The following CLDN1 variants were observed in gnomAD, a reference collection of about 807,000 sequenced individuals.
The protein encoded by CLDN1 is claudin 1, also known as claudin-1.
In CLDN1, 12 loss-of-function variants were observed where a neutral mutation model predicts 22.6. The observed-to-expected ratio is 0.53, with a 90% CI of 0.34 to 0.86. The LOEUF is 0.86. Ranked by LOEUF, CLDN1 falls within the 40% of genes least tolerant of loss-of-function variation. The probability of loss-of-function intolerance (pLI) is 0.02; values close to 1 mark genes in which losing one functional copy is unlikely to be tolerated. For missense variants in CLDN1, 250 were observed against 269.5 expected (o/e 0.93, Z 0.51); for synonymous variants, 99 against 103.8 (o/e 0.95, Z 0.28).
intron 1 of CLDN1, among the ~76,000 whole-genome samples, chr3:190,319,754 C>T (rs897424853): frequency 2.0e-5 from 3 of 152,192 alleles, no homozygotes; most frequent in African/African-American, 4.8e-5. Context: ...ACACATAACC[C>T]TTTTCATCTC....
In CLDN1 at chr3:190,308,070, C is replaced by T; in HGVS notation, c.*207G>A. The T allele has an allele frequency of 8.8e-6, 5 of 568,792 alleles. No homozygotes were observed. Among genetic ancestry groups the T allele is most frequent in the East Asian group, 6.9e-5 (2 of 28,920 alleles). 35.2% of individuals were successfully genotyped at this position (568,792 alleles called of 1,614,324 possible). A position where few individuals can be genotyped will look rare whatever the true frequency, so the allele number is the denominator to read the frequency against. ...TAATACAAATGGAAAAATCTTCCCT[C>T]CTATATTGAGGAAAGAAGATAAAAT... On this transcript the variant is annotated 3_prime_UTR_variant, in exon 4 of 4. Coordinates refer to ENST00000295522, the MANE Select transcript of CLDN1 (RefSeq NM_021101.5).
At chr3:190,317,914 G>C in intron 1 of CLDN1, among the ~76,000 whole-genome samples, 1 of 152,178 alleles carries the variant, frequency 6.6e-6, no homozygotes, top group East Asian at 1.9e-4. Context: ...TGCATCTGTA[G>C]TTGCTTAATA....
chr3:190,310,273 A>C lies in CLDN1; in HGVS notation c.389-20T>G. On this transcript the variant is annotated intron_variant, in intron 2 of 3. Coordinates refer to ENST00000295522, the MANE Select transcript of CLDN1 (RefSeq NM_021101.5). ...CCAGACCTATAGAAATTCAAAACAA[A>C]AGACTGTTAATCACCATGGAACACT... is the stretch of plus-strand genomic sequence containing the variant. The C allele has an allele frequency of 6.3e-7, 1 of 1,586,634 alleles. No individual in the cohort carries two copies. Among genetic ancestry groups the C allele is most frequent in the East Asian group, 2.2e-5 (1 of 44,720 alleles).
chr3:190,307,963 A>T lies in CLDN1; in HGVS notation c.*314T>A. The stretch of plus-strand genomic sequence containing the variant: ...TATTTTACTGTCTATTTTTAATAGA[A>T]AAACATGTATATATACATATCTATA... On this transcript the variant is annotated 3_prime_UTR_variant, in exon 4 of 4. Transcript: ENST00000295522. 1 of 212,098 alleles carries T rather than the reference A, an allele frequency of 4.7e-6. No homozygotes were observed. The highest frequency in any genetic ancestry group is 9.6e-6 in the Non-Finnish European group (1 of 103,828). 13.1% of individuals were successfully genotyped at this position (212,098 alleles called of 1,614,324 possible). A position where few individuals can be genotyped will look rare whatever the true frequency, so the allele number is the denominator to read the frequency against.
intron 1 of CLDN1, among the ~76,000 whole-genome samples, chr3:190,320,075 G>T (rs191653321): frequency 2.5e-3 from 378 of 151,612 alleles, no homozygotes; most frequent in African/African-American, 8.5e-3. Context: ...AGTGTGTGTG[G>T]GGGGGTAGGT....
At position 190,322,336 on chromosome 3, in the gene CLDN1, G is replaced by A; in HGVS notation, c.-130C>T. 6.0e-6 allele frequency: 5 copies of A among 831,780 alleles called. No individual in the cohort carries two copies. Among genetic ancestry groups the A allele is most frequent in the Non-Finnish European group, 9.8e-6 (5 of 510,362 alleles). The allele number at this position is 831,780 out of a possible 1,614,324, so 51.5% of individuals were successfully genotyped here. ...GAAGTTAAGGCGGGGAGCCCTGCTC[G>A]CTGCGCCGCCGCTGGAGAAGCTCTG... On this transcript the variant is annotated 5_prime_UTR_variant, in exon 1 of 4. Coordinates refer to ENST00000295522, the MANE Select transcript of CLDN1 (RefSeq NM_021101.5).
At chr3:190,311,341 T>A (rs546281132) in intron 2 of CLDN1, among the ~76,000 whole-genome samples, 2 of 152,096 alleles carry the variant, frequency 1.3e-5, no homozygotes, top group Non-Finnish European at 2.9e-5. Flanking sequence ...GATATAAGAG[T>A]AAATTATTGG....
chr3:190,322,227 C>A lies in CLDN1; in HGVS notation c.-21G>T, dbSNP rs778424268. 9 of 1,610,656 alleles carry A rather than the reference C, an allele frequency of 5.6e-6. No homozygotes were observed. In the African/African-American group the frequency reaches 1.1e-4, roughly 19 times the overall value. ...GCCATGACTCGCTCGGGCGCCCGCGCTGGCTCAGGGGTGGCAGGTGCAGAA... is the reference window on the plus strand; with the variant it reads ...GCCATGACTCGCTCGGGCGCCCGCGATGGCTCAGGGGTGGCAGGTGCAGAA... On this transcript the variant is annotated 5_prime_UTR_variant, in exon 1 of 4. Coordinates refer to ENST00000295522, the MANE Select transcript of CLDN1 (RefSeq NM_021101.5).
intron 1 of CLDN1, among the ~76,000 whole-genome samples, chr3:190,314,498 G>A (rs1026192724): frequency 5.9e-5 from 9 of 151,922 alleles, no homozygotes; most frequent in African/African-American, 2.2e-4. Context: ...GGGCTCAAGC[G>A]ATTCTCATCC....
intron 1 of CLDN1, among the ~76,000 whole-genome samples, chr3:190,318,597 G>A (rs1225613920): frequency 1.3e-5 from 2 of 152,134 alleles, no homozygotes; most frequent in Non-Finnish European, 2.9e-5. Flanking sequence ...TATACACTTG[G>A]CTACTTAGTG....
At chr3:190,310,492 C>A (rs1397381851) in intron 2 of CLDN1, among the ~76,000 whole-genome samples, 1 of 152,056 alleles carries the variant, frequency 6.6e-6, no homozygotes, top group Non-Finnish European at 1.5e-5. Flanking sequence ...GATATCTTGG[C>A]ACAAATAATT....
At chr3:190,314,461 A>G (rs1368565049) in intron 1 of CLDN1, among the ~76,000 whole-genome samples, 2 of 151,920 alleles carry the variant, frequency 1.3e-5, no homozygotes, top group Non-Finnish European at 2.9e-5. Context: ...GTGGTGCGAT[A>G]TGGGCTCACT....
At chr3:190,314,816 T>G (rs1716722908) in intron 1 of CLDN1, among the ~76,000 whole-genome samples, 1 of 152,204 alleles carries the variant, frequency 6.6e-6, no homozygotes, top group Admixed American at 6.5e-5. Flanking sequence ...AGAGACTTCC[T>G]GATTCCCCTC....
At chr3:190,313,405 C>A (rs1352116857) in intron 1 of CLDN1, among the ~76,000 whole-genome samples, 3 of 152,138 alleles carry the variant, frequency 2.0e-5, no homozygotes, top group African/African-American at 7.2e-5. Flanking sequence ...TTTTAAGTAA[C>A]AATCATATAT....
chr3:190,310,320 T>A, intron 2 of CLDN1, 67 bp from the exon 3 acceptor site: 1 of 1,205,832 alleles, frequency 8.3e-7, no homozygotes, highest in Non-Finnish European at 1.2e-6. Flanking sequence ...CACAACCTGT[T>A]AAACCAAAAC....
chr3:190,321,076 A>G (rs902979903), intron 1 of CLDN1, among the ~76,000 whole-genome samples: 1 of 152,192 alleles, frequency 6.6e-6, no homozygotes, highest in African/African-American at 2.4e-5. Flanking sequence ...TCCATTACAC[A>G]GAAATTTCTT....
chr3:190,311,556 T>C (rs1716618523), intron 2 of CLDN1, among the ~76,000 whole-genome samples: 1 of 151,924 alleles, frequency 6.6e-6, no homozygotes, highest in Admixed American at 6.6e-5. Context: ...AAGTCTATTC[T>C]AGTTTTTTTC....
intron 1 of CLDN1, among the ~76,000 whole-genome samples, chr3:190,319,934 T>A (rs1179862921): frequency 6.6e-6 from 1 of 152,112 alleles, no homozygotes; most frequent in African/African-American, 2.4e-5. Context: ...CACCTGTGAG[T>A]CAAGGGTCCC....
intron 1 of CLDN1, among the ~76,000 whole-genome samples, chr3:190,319,402 G>A (rs1291425238): frequency 1.3e-5 from 2 of 152,190 alleles, no homozygotes; most frequent in Non-Finnish European, 2.9e-5. Context: ...TCCCCAGGAA[G>A]TGCCTCAGTT....
Sources: gnomAD v4.1 joint callset for allele counts (sites outside exome capture counted in the v4.1 genomes callset) on GRCh38, gnomAD v4.1.1 for gene constraint, MANE v1.5 for transcripts, NCBI Gene and HGNC (gene_info 2026-07-23, HGNC 2026-07-21) for gene names.